TRAF7: variants seen among roughly 807,000 people sequenced by gnomAD.
TRAF7 encodes the protein TNF receptor associated factor 7.
TRAF7 carries 45 observed loss-of-function variants against 89.3 expected under a neutral mutation model. The observed-to-expected ratio is 0.50, with a 90% CI of 0.40 to 0.65. The LOEUF is 0.65. Among genes scored for constraint, TRAF7 ranks in the 30% least tolerant of loss-of-function variants. The pLI is 0.00. For synonymous variants in TRAF7, 406 were observed against 369.2 expected (o/e 1.10, Z -1.14); for missense variants, 677 against 918.1 (o/e 0.74, Z 3.39).
chr16:2,165,618 C>T (rs12934234), intron 2 of TRAF7, among the ~76,000 whole-genome samples: 11 of 91,170 alleles, frequency 1.2e-4, no homozygotes, highest in East Asian at 5.5e-4. Flanking sequence ...CTGTGTGGCG[C>T]AGCCTGGTCG....
chr16:2,163,952 G>A lies in TRAF7; in HGVS notation c.32G>A (p.Arg11His), dbSNP rs759408599. MSSGKSARYN[R>H]FSGGPSNLPT... is the part of the protein sequence containing the mutation. ...TCAGGCAAGAGTGCCCGCTACAACC[G>A]CTTCTCCGGGGGGCCCAGCAATCTT... is the stretch of plus-strand genomic sequence containing the variant. The change falls in exon 2 of 21, where the codon CGC (arginine) becomes CAC (histidine). Residue 11 changes from arginine to histidine, a missense_variant. Around this residue, in one of 6 missense-constraint regions of TRAF7, gnomAD observed 240 missense variants for 191.9 expected, o/e 1.25. Coordinates refer to ENST00000326181, the MANE Select transcript of TRAF7 (RefSeq NM_032271.3). The surrounding 1 kb of genome is among the most constrained non-coding windows in gnomAD (Gnocchi z 4.3). 1.0e-4 allele frequency: 166 copies of A among 1,612,752 alleles called. No homozygotes were observed. The highest frequency in any genetic ancestry group is 6.7e-5 in the Admixed American group (4 of 59,924).
rs1010231907 is a variant in TRAF7, at chr16:2,163,912, C to T, written c.-9C>T. The stretch of plus-strand genomic sequence containing the variant: ...TGCTTCCCAAGGACCGTAGATGCCT[C>T]TCTAGAGCATGAGCTCAGGCAAGAG... On this transcript the variant is annotated 5_prime_UTR_variant, in exon 2 of 21. Coordinates refer to ENST00000326181, the MANE Select transcript of TRAF7 (RefSeq NM_032271.3). The surrounding 1 kb of genome is among the most constrained non-coding windows in gnomAD (Gnocchi z 4.3). 1.9e-6 allele frequency: 3 copies of T among 1,611,604 alleles called. No individual in the cohort carries two copies. Among genetic ancestry groups the T allele is most frequent in the South Asian group, 1.1e-5 (1 of 90,738 alleles).
rs1302429880 is a variant in TRAF7, at chr16:2,162,592, G to GT, written c.-38-1288dup. ...CTCCTCTCAGGCCCCTGGGGCCTTG[G>GT]TTTGCAGCCCGGCTTCCCCAGGGTG... On this transcript the variant is annotated intron_variant, in intron 1 of 20. Coordinates refer to ENST00000326181, the MANE Select transcript of TRAF7 (RefSeq NM_032271.3). This position sits in a 1 kb window ranked among gnomAD's most constrained non-coding sequence, Gnocchi z 5.0. Among the ~76,000 whole-genome samples the GT allele has an allele frequency of 6.6e-6, 1 of 152,094 alleles. No individual in the cohort carries two copies. Among genetic ancestry groups the GT allele is most frequent in the Non-Finnish European group, 1.5e-5 (1 of 67,980 alleles).
At position 2,163,903 on chromosome 16, in the gene TRAF7, T is replaced by G. The variant is rs1054525730; in HGVS notation, c.-18T>G. 13 of 1,610,176 alleles carry G rather than the reference T, an allele frequency of 8.1e-6. No individual in the cohort carries two copies. The Admixed American group carries it at 1.7e-4, about 21-fold the overall frequency. Reference sequence around the variant, plus strand: ...CACAGGAGGTGCTTCCCAAGGACCGTAGATGCCTCTCTAGAGCATGAGCTC... The same window carrying G: ...CACAGGAGGTGCTTCCCAAGGACCGGAGATGCCTCTCTAGAGCATGAGCTC... On this transcript the variant is annotated 5_prime_UTR_variant, in exon 2 of 21. An upstream open reading frame in the 5' UTR loses its in-frame stop. Transcript: ENST00000326181. The surrounding 1 kb of genome is among the most constrained non-coding windows in gnomAD (Gnocchi z 4.3).
intron 4 of TRAF7, among the ~76,000 whole-genome samples, 179 bp from the exon 5 acceptor site, chr16:2,170,435 G>T (rs997673066): frequency 6.6e-6 from 1 of 152,234 alleles, no homozygotes; most frequent in Non-Finnish European, 1.5e-5. Flanking sequence ...GCAGGGACCT[G>T]GGTTGCATCA....
chr16:2,175,984 G>T (rs1178369355), intron 18 of TRAF7, 31 bp downstream of exon 18: 2 of 1,612,468 alleles, frequency 1.2e-6, no homozygotes, highest in Non-Finnish European at 1.7e-6. Flanking sequence ...TGCAAGGCCA[G>T]ACTGTGGCCC....
At chr16:2,169,327 C>A (rs555126557) in intron 4 of TRAF7, among the ~76,000 whole-genome samples, 5 of 152,162 alleles carry the variant, frequency 3.3e-5, no homozygotes, top group African/African-American at 1.2e-4. Flanking sequence ...ACCTGTGTGC[C>A]GGGCGCTGTG....
rs1481804780 is a variant in TRAF7 at position 2,176,797 on chromosome 16, T to C, written c.*223T>C. The C allele has an allele frequency of 3.0e-6, 2 of 665,424 alleles. No individual in the cohort carries two copies. Among genetic ancestry groups the C allele is most frequent in the East Asian group, 5.5e-5 (2 of 36,562 alleles). The allele number at this position is 665,424 out of a possible 1,614,324, so 41.2% of individuals were successfully genotyped here. On this transcript the variant is annotated 3_prime_UTR_variant, in exon 21 of 21. Transcript: ENST00000326181. ...CCTCTCTGGGTGCCAGGTACGACGC[T>C]TGCCCCGGCCCACCCTCCATCCCCA... is the stretch of plus-strand genomic sequence containing the variant.
rs925242452 is a variant in TRAF7 at position 2,176,605 on chromosome 16, G to C, written c.*31G>C. The C allele has an allele frequency of 1.2e-6, 2 of 1,613,336 alleles. No individual in the cohort carries two copies. The highest frequency in any genetic ancestry group is 2.7e-5 in the African/African-American group (2 of 75,024). On this transcript the variant is annotated 3_prime_UTR_variant, in exon 21 of 21. Coordinates refer to ENST00000326181, the MANE Select transcript of TRAF7 (RefSeq NM_032271.3). ...TCCAGGCCAGGCTGTGGTTTCCCCT[G>C]AACCAGCCCTGGACCTTTCTGAGCC...
At chr16:2,157,308 C>A (rs2093039286) in intron 1 of TRAF7, among the ~76,000 whole-genome samples, 1 of 152,232 alleles carries the variant, frequency 6.6e-6, no homozygotes, top group African/African-American at 2.4e-5. Flanking sequence ...GGCAGCCTGG[C>A]CTAAGGAGGG....
At position 2,177,848 on chromosome 16, in the gene TRAF7, GC is replaced by G. The variant is rs1367160502; in HGVS notation, c.*1279del. 8 of 283,668 alleles carry G rather than the reference GC, an allele frequency of 2.8e-5. 1 individual carries two copies. The highest frequency in any genetic ancestry group is 2.6e-4 in the South Asian group (5 of 19,136). 17.6% of individuals were successfully genotyped at this position (283,668 alleles called of 1,614,324 possible). ...GAACTTAGGAGAGAAGCACGGAGGA[GC>G]CCCCGGCAGAGCACCCGCCCCCGGG... On this transcript the variant is annotated 3_prime_UTR_variant, in exon 21 of 21. Coordinates refer to ENST00000326181, the MANE Select transcript of TRAF7 (RefSeq NM_032271.3).
At chr16:2,160,493 G>GT (rs1419067248) in intron 1 of TRAF7, among the ~76,000 whole-genome samples, 4 of 143,100 alleles carry the variant, frequency 2.8e-5, no homozygotes, top group African/African-American at 7.8e-5. Context: ...ACGGGCGGGA[G>GT]GTGTGGACCG....
intron 9 of TRAF7, 36 bp downstream of exon 9, chr16:2,172,635 G>GCC: frequency 1.4e-5 from 18 of 1,273,122 alleles, no homozygotes; most frequent in Non-Finnish European, 1.8e-5. Context: ...GCCGGGGTGG[G>GCC]CGCAGGCCCT....
At position 2,173,366 on chromosome 16, in the gene TRAF7, G is replaced by A. The variant is rs754711487; in HGVS notation, c.979G>A (p.Asp327Asn). Residue 327 changes from aspartate to asparagine, a missense_variant, in exon 10 of 21, where the codon GAC becomes AAC. Around this residue, in one of 6 missense-constraint regions of TRAF7, gnomAD observed 238 missense variants for 352.6 expected, o/e 0.67. Transcript: ENST00000326181. Reference protein sequence around the residue: ...SMLGKLSEKIDQLEKSLELKF... With the variant: ...SMLGKLSEKINQLEKSLELKF... ...GCTGGGAAAGCTCTCGGAGAAGATC[G>A]ACCAGCTAGAGAAGAGCCTGGAGCT... 1.9e-6 allele frequency: 3 copies of A among 1,613,428 alleles called. No homozygotes were observed. Among genetic ancestry groups the A allele is most frequent in the South Asian group, 2.2e-5 (2 of 91,066 alleles).
Position 2,168,168 on chromosome 16 carries a change from G to A in TRAF7, c.231G>A (p.Met77Ile). ...CCCCGCGGGACGAGGAGGACAGCAT[G>A]GTAGGTCCCTACCCCCAGGAGCCCG... ...AYSPRDEEDS[M>I]PPISTPRRSD... The change falls in exon 4 of 21, where the codon ATG (methionine) becomes ATA (isoleucine). Residue 77 changes from methionine (M) to isoleucine (I), a missense_variant and splice_region_variant. Physicochemically the swap from Met to Ile is conservative, Grantham distance 10. Coordinates refer to ENST00000326181, the MANE Select transcript of TRAF7 (RefSeq NM_032271.3). This position sits in a 1 kb window ranked among gnomAD's most constrained non-coding sequence, Gnocchi z 4.1. 1 of 1,608,340 alleles carries A rather than the reference G, an allele frequency of 6.2e-7. No homozygotes were observed. Among genetic ancestry groups the A allele is most frequent in the East Asian group, 2.2e-5 (1 of 44,652 alleles).
chr16:2,175,296 A>T lies in TRAF7; in HGVS notation c.1387-5A>T. 2 of 1,612,988 alleles carry T rather than the reference A, an allele frequency of 1.2e-6. No homozygotes were observed. Among genetic ancestry groups the T allele is most frequent in the South Asian group, 1.1e-5 (1 of 91,074 alleles). Reference sequence around the variant, plus strand: ...CCCTGAGGCTGCCGGTCCTTCCCCAATCAGGTGTGGGACATCCAGAACCTG... The same window carrying T: ...CCCTGAGGCTGCCGGTCCTTCCCCATTCAGGTGTGGGACATCCAGAACCTG... On this transcript the variant is annotated splice_polypyrimidine_tract_variant and splice_region_variant and intron_variant, in intron 15 of 20. Coordinates refer to ENST00000326181, the MANE Select transcript of TRAF7 (RefSeq NM_032271.3).
Position 2,173,205 on chromosome 16 carries a change from A to G in TRAF7, c.818A>G (p.Asp273Gly), listed in dbSNP as rs2093120935. Reference sequence around the variant, plus strand: ...AGGTGCACGTTCATCGGGAACCAGGACACTTACGAGACCCACCTGGAGACT... The same window carrying G: ...AGGTGCACGTTCATCGGGAACCAGGGCACTTACGAGACCCACCTGGAGACT... ...KYGCTFIGNQ[D>G]TYETHLETCR... Residue 273 changes from aspartate (D) to glycine (G), a missense_variant, in exon 10 of 21, where the codon GAC becomes GGC. Transcript: ENST00000326181. 1 of 1,611,088 alleles carries G rather than the reference A, an allele frequency of 6.2e-7. No individual in the cohort carries two copies. Among genetic ancestry groups the G allele is most frequent in the Non-Finnish European group, 8.5e-7 (1 of 1,179,352 alleles).
intron 8 of TRAF7, 28 bp from the exon 9 acceptor site, chr16:2,172,437 G>A (rs2093116037): frequency 6.2e-7 from 1 of 1,610,472 alleles, no homozygotes; most frequent in African/African-American, 1.3e-5. Context: ...CTCTGGCTGA[G>A]GCCTCCCCGC....
chr16:2,173,859 T>TTGGCGGCCCCCCCCC, intron 12 of TRAF7, 23 bp downstream of exon 12: 1 of 1,246,252 alleles, frequency 8.0e-7, no homozygotes, highest in Non-Finnish European at 1.1e-6. Context: ...CCGCCGTGGC[T>TTGGCGGCCCCCCCCC]CCCGCCCACC....
Sources: allele counts gnomAD v4.1 joint callset (sites outside exome capture counted in the v4.1 genomes callset), GRCh38; gene constraint gnomAD v4.1.1; regional missense constraint gnomAD v4.1.1; non-coding constraint Gnocchi (gnomAD v3.1); transcripts MANE v1.5; gene names NCBI Gene and HGNC (gene_info 2026-07-23, HGNC 2026-07-21).